Variants in TENM3 observed in about 807,000 individuals in gnomAD.
TENM3 encodes teneurin-3.
In TENM3, 63 loss-of-function variants were observed where a neutral mutation model predicts 255.1. The observed-to-expected ratio is 0.25, with a 90% CI of 0.20 to 0.30. The LOEUF (loss-of-function observed/expected upper bound fraction) is 0.30, where lower values mean the gene tolerates loss of function less well. Ranked by LOEUF, TENM3 falls within the 10% of genes least tolerant of loss-of-function variation. The pLI, the probability that TENM3 is intolerant of heterozygous loss-of-function variation, is 1.00. For synonymous variants in TENM3, 1,306 were observed against 1,322.3 expected (o/e 0.99, Z 0.27); for missense variants, 2,929 against 3,461.1 (o/e 0.85, Z 3.86).
intron 3 of TENM3, among the ~76,000 whole-genome samples, chr4:182,549,441 C>T (rs1741788535): frequency 6.6e-6 from 1 of 151,428 alleles, no homozygotes; most frequent in Non-Finnish European, 1.5e-5. Flanking sequence ...TTTGAGTTTT[C>T]CAGCCCATCT....
At chr4:181,668,947 A>C in the TENM3 span, among the ~76,000 whole-genome samples, 1 of 152,142 alleles carries the variant, frequency 6.6e-6, no homozygotes, top group African/African-American at 2.4e-5. Flanking sequence ...CCTTGATAGC[A>C]AGGTCCTTGA....
the TENM3 span, among the ~76,000 whole-genome samples, chr4:181,739,409 C>T: frequency 6.6e-6 from 1 of 152,172 alleles, no homozygotes; most frequent in Admixed American, 6.5e-5. Context: ...CTCGTACCAA[C>T]TAAAGAACTA....
At chr4:182,014,168 ATACAT>A in the TENM3 span, among the ~76,000 whole-genome samples, 1 of 147,754 alleles carries the variant, frequency 6.8e-6, no homozygotes, top group African/African-American at 2.5e-5. Flanking sequence ...ATACATATAT[ATACAT>A]ATATATATGT....
the TENM3 span, among the ~76,000 whole-genome samples, chr4:181,587,872 C>A: frequency 6.6e-6 from 1 of 152,088 alleles, no homozygotes; most frequent in Admixed American, 6.5e-5. Flanking sequence ...TGAACCCTTG[C>A]ATTCTGGGGA....
At chr4:182,530,439 A>G (rs1739657245) in intron 3 of TENM3, among the ~76,000 whole-genome samples, 1 of 152,240 alleles carries the variant, frequency 6.6e-6, no homozygotes, top group South Asian at 2.1e-4. Context: ...AGGGGAATGT[A>G]CACATTAAAG....
intron 5 of TENM3, among the ~76,000 whole-genome samples, chr4:182,653,373 C>T (rs1753492864): frequency 6.6e-6 from 1 of 152,158 alleles, no homozygotes; most frequent in South Asian, 2.1e-4. Flanking sequence ...TAAGAATCTA[C>T]AGGTGTTGCA....
the TENM3 span, among the ~76,000 whole-genome samples, chr4:181,859,958 C>G: frequency 3.1e-4 from 47 of 152,212 alleles, no homozygotes; most frequent in Admixed American, 2.3e-3. Context: ...GACATGTAGT[C>G]CCTGAGTTCT....
intron 1 of TENM3, among the ~76,000 whole-genome samples, chr4:182,264,261 CA>C (rs1248885394): frequency 6.6e-6 from 1 of 152,230 alleles, no homozygotes; most frequent in Non-Finnish European, 1.5e-5. Flanking sequence ...GGGCTTGGAA[CA>C]CCTGCAAGCC....
At chr4:181,927,162 A>G in the TENM3 span, among the ~76,000 whole-genome samples, 2 of 152,226 alleles carry the variant, frequency 1.3e-5, no homozygotes, top group South Asian at 2.1e-4. Context: ...GCGAGACGGA[A>G]CCGTTCACTT....
intron 3 of TENM3, 94 bp from the exon 4 acceptor site, chr4:182,600,830 C>A: frequency 3.4e-6 from 2 of 581,270 alleles, no homozygotes; most frequent in Non-Finnish European, 5.5e-6. Context: ...TCTAATTCAT[C>A]TGCAGTGGAT....
the TENM3 span, among the ~76,000 whole-genome samples, chr4:181,899,178 A>T: frequency 6.6e-6 from 1 of 152,012 alleles, no homozygotes; most frequent in Non-Finnish European, 1.5e-5. Context: ...GTCACTTTTA[A>T]TACTGTCTCT....
intron 1 of TENM3, among the ~76,000 whole-genome samples, chr4:182,267,077 G>T (rs1579957642): frequency 6.6e-6 from 1 of 152,110 alleles, no homozygotes; most frequent in Admixed American, 6.5e-5. Context: ...AAACTAAAAT[G>T]TTCATAACTA....
the TENM3 span, among the ~76,000 whole-genome samples, chr4:181,940,193 G>C: frequency 9.9e-5 from 15 of 152,168 alleles, no homozygotes; most frequent in Non-Finnish European, 1.8e-4. Context: ...ATAATGTAAA[G>C]TTGGTCTGTC....
chr4:181,914,893 G>A, the TENM3 span, among the ~76,000 whole-genome samples: 1 of 152,096 alleles, frequency 6.6e-6, no homozygotes, highest in East Asian at 1.9e-4. Flanking sequence ...CCAGGTACTG[G>A]GATAGGTTCT....
the TENM3 span, among the ~76,000 whole-genome samples, chr4:181,727,348 T>A: frequency 6.6e-6 from 1 of 152,224 alleles, no homozygotes; most frequent in African/African-American, 2.4e-5. Flanking sequence ...AGAAGCTGTC[T>A]ATCACTTTTA....
chr4:182,701,102 A>C (rs1345541355), intron 12 of TENM3, among the ~76,000 whole-genome samples: 1 of 151,980 alleles, frequency 6.6e-6, no homozygotes, highest in East Asian at 1.9e-4. Context: ...ATGTGGTTAA[A>C]CATAAGCAAT....
At chr4:181,881,721 G>C in the TENM3 span, among the ~76,000 whole-genome samples, 1 of 152,112 alleles carries the variant, frequency 6.6e-6, no homozygotes, top group African/African-American at 2.4e-5. Context: ...CTATGACAGA[G>C]ACAATTCCAA....
At chr4:181,459,251 A>C in the TENM3 span, among the ~76,000 whole-genome samples, 3 of 151,786 alleles carry the variant, frequency 2.0e-5, no homozygotes, top group Admixed American at 2.0e-4. Flanking sequence ...ATATATTAAT[A>C]TTTATTATGG....
chr4:181,906,807 G>A, the TENM3 span, among the ~76,000 whole-genome samples: 20 of 152,236 alleles, frequency 1.3e-4, no homozygotes, highest in East Asian at 5.8e-4. Context: ...TCTGCCTCCC[G>A]AGTAGCTGGG....
Sources: gnomAD v4.1 joint callset for allele counts (sites outside exome capture counted in the v4.1 genomes callset) on GRCh38, gnomAD v4.1.1 for gene constraint, MANE v1.5 for transcripts, NCBI Gene and HGNC (gene_info 2026-07-23, HGNC 2026-07-21) for gene names.